ANKRD6: variants seen among roughly 807,000 people sequenced by gnomAD.
ANKRD6 encodes ankyrin repeat domain-containing protein 6.
In ANKRD6, 56 loss-of-function variants were observed where a neutral mutation model predicts 82.3. The observed-to-expected ratio is 0.68, with a 90% CI of 0.55 to 0.85. The LOEUF (loss-of-function observed/expected upper bound fraction) is 0.85, where lower values mean the gene tolerates loss of function less well. ANKRD6 is among the 40% of genes least tolerant of loss of function. ANKRD6 has a pLI of 0.00. For synonymous variants in ANKRD6, 347 were observed against 352.1 expected (o/e 0.99, Z 0.16); for missense variants, 852 against 907.6 (o/e 0.94, Z 0.79).
chr6:89,509,563 C>T (rs1475772993), intron 1 of ANKRD6, among the ~76,000 whole-genome samples: 2 of 152,186 alleles, frequency 1.3e-5, no homozygotes, highest in African/African-American at 4.8e-5. Context: ...GTATTGGATT[C>T]TGTAGAATGA....
At chr6:89,609,756 C>T (rs1563050311) in intron 5 of ANKRD6, among the ~76,000 whole-genome samples, 1 of 152,108 alleles carries the variant, frequency 6.6e-6, no homozygotes, top group Non-Finnish European at 1.5e-5. Flanking sequence ...AGACTACAGG[C>T]ACACACCACC....
intron 1 of ANKRD6, among the ~76,000 whole-genome samples, chr6:89,492,069 T>A (rs1194880506): frequency 6.6e-6 from 1 of 152,226 alleles, no homozygotes; most frequent in African/African-American, 2.4e-5. Flanking sequence ...AAAACTTACA[T>A]TGAATAAATG....
chr6:89,564,400 AG>A (rs34248116), intron 1 of ANKRD6, among the ~76,000 whole-genome samples: 1 of 152,206 alleles, frequency 6.6e-6, no homozygotes, highest in East Asian at 1.9e-4. Context: ...CCAAACAAAA[AG>A]GAAAATTAAT....
intron 4 of ANKRD6, among the ~76,000 whole-genome samples, chr6:89,604,711 C>T (rs1798088961): frequency 6.6e-6 from 1 of 152,180 alleles, no homozygotes; most frequent in Non-Finnish European, 1.5e-5. Flanking sequence ...CTTTGGCTTC[C>T]TCCTTCTGCA....
intron 1 of ANKRD6, among the ~76,000 whole-genome samples, chr6:89,505,929 A>G (rs1289123767): frequency 6.6e-6 from 1 of 152,220 alleles, no homozygotes; most frequent in African/African-American, 2.4e-5. Context: ...GTGAACCTGC[A>G]AGATGTTATA....
At chr6:89,485,980 AATTT>A (rs1448417945) in intron 1 of ANKRD6, among the ~76,000 whole-genome samples, 11 of 152,222 alleles carry the variant, frequency 7.2e-5, no homozygotes, top group Admixed American at 3.3e-4. Flanking sequence ...CTATAAAAAT[AATTT>A]ATTTAAAGAA....
chr6:89,622,480 G>T (rs534934590), intron 10 of ANKRD6, among the ~76,000 whole-genome samples: 222 of 152,352 alleles, frequency 1.5e-3, no homozygotes, highest in Non-Finnish European at 2.4e-3. Context: ...ATCTGTGTTG[G>T]AACAAGCCCT....
rs1471188578 is a variant in ANKRD6, at chr6:89,567,001, G to A, written c.25G>A (p.Ala9Thr). The change falls in exon 2 of 16, where the codon GCA becomes ACA. Residue 9 changes from alanine (A) to threonine (T), a missense_variant. Physicochemically the swap from Ala to Thr is moderately conservative, Grantham distance 58 (BLOSUM62 0). Coordinates refer to ENST00000339746, the MANE Select transcript of ANKRD6 (RefSeq NM_001242809.2). ...CATGAGCCAGCAAGATGCGGTCGCTGCACTTTCAGAGCGCCTTCTCGTAGC... is the reference window on the plus strand; with the variant it reads ...CATGAGCCAGCAAGATGCGGTCGCTACACTTTCAGAGCGCCTTCTCGTAGC... MSQQDAVA[A>T]LSERLLVAAY... is the part of the protein sequence containing the mutation. 2.5e-6 allele frequency: 4 copies of A among 1,600,992 alleles called. No homozygotes were observed. Among genetic ancestry groups the A allele is most frequent in the Non-Finnish European group, 2.6e-6 (3 of 1,173,532 alleles).
chr6:89,472,297 G>C (rs993167266), intron 1 of ANKRD6, among the ~76,000 whole-genome samples: 2 of 152,172 alleles, frequency 1.3e-5, no homozygotes, highest in African/African-American at 4.8e-5. Context: ...TAGAACTTCA[G>C]CTTATCCTTT....
At chr6:89,524,026 G>A (rs1782173205) in intron 1 of ANKRD6, among the ~76,000 whole-genome samples, 1 of 152,064 alleles carries the variant, frequency 6.6e-6, no homozygotes, top group South Asian at 2.1e-4. Context: ...TTCACCCTAG[G>A]CCAGGAGAGC....
chr6:89,491,038 T>A (rs1777954146), intron 1 of ANKRD6, among the ~76,000 whole-genome samples: 1 of 152,080 alleles, frequency 6.6e-6, no homozygotes, highest in Non-Finnish European at 1.5e-5. Context: ...CGAGTGAGAC[T>A]GAAATAATGA....
chr6:89,631,819 T>TATC lies in ANKRD6; in HGVS notation c.*817_*819dup, dbSNP rs1239287778. The TATC allele has an allele frequency of 1.3e-5, 2 of 152,258 alleles. No homozygotes were observed. Among genetic ancestry groups the TATC allele is most frequent in the African/African-American group, 2.4e-5 (1 of 41,474 alleles). The allele number at this position is 152,258 out of a possible 1,614,324, so 9.4% of individuals were successfully genotyped here. A position where few individuals can be genotyped will look rare whatever the true frequency, so the allele number is the denominator to read the frequency against. The stretch of plus-strand genomic sequence containing the variant: ...ACCTATTCCTAATCAAACCCAATTA[T>TATC]ATCAGAATACCTTTCTGAATTTGAG... On this transcript the variant is annotated 3_prime_UTR_variant, in exon 16 of 16. Transcript: ENST00000339746.
At chr6:89,568,868 A>T (rs531112278) in intron 2 of ANKRD6, among the ~76,000 whole-genome samples, 18 of 152,032 alleles carry the variant, frequency 1.2e-4, no homozygotes, top group Non-Finnish European at 1.8e-4. Flanking sequence ...GAGAAGACTA[A>T]TATAAGCACA....
At chr6:89,437,371 CA>C (rs1770782266) in intron 1 of ANKRD6, among the ~76,000 whole-genome samples, 1 of 152,132 alleles carries the variant, frequency 6.6e-6, no homozygotes, top group African/African-American at 2.4e-5. Context: ...CTGAAAACTC[CA>C]GGACCAATTC....
At chr6:89,550,051 G>A (rs1785629565) in intron 1 of ANKRD6, among the ~76,000 whole-genome samples, 1 of 152,138 alleles carries the variant, frequency 6.6e-6, no homozygotes, top group African/African-American at 2.4e-5. Flanking sequence ...AGTTCTGATT[G>A]TGTCACTGCA....
intron 1 of ANKRD6, among the ~76,000 whole-genome samples, chr6:89,473,515 A>C (rs1775715371): frequency 6.6e-6 from 1 of 152,170 alleles, no homozygotes; most frequent in Non-Finnish European, 1.5e-5. Flanking sequence ...AGATTATCTA[A>C]GTCTCACCAG....
intron 5 of ANKRD6, among the ~76,000 whole-genome samples, chr6:89,608,502 T>C (rs1282886124): frequency 6.6e-6 from 1 of 151,288 alleles, no homozygotes; most frequent in East Asian, 1.9e-4. Flanking sequence ...TATAGAAATA[T>C]ACCCCATCAA....
intron 1 of ANKRD6, among the ~76,000 whole-genome samples, chr6:89,501,886 A>G (rs1469041679): frequency 2.6e-5 from 4 of 151,752 alleles, no homozygotes; most frequent in African/African-American, 9.7e-5. Flanking sequence ...TGGTAGGAAT[A>G]ATAATATGTC....
intron 1 of ANKRD6, among the ~76,000 whole-genome samples, chr6:89,507,647 C>T (rs1001998579): frequency 1.3e-5 from 2 of 152,152 alleles, no homozygotes; most frequent in Admixed American, 1.3e-4. Flanking sequence ...TATGGTAATT[C>T]CTTGTCATTC....
Sources: allele counts gnomAD v4.1 joint callset (sites outside exome capture counted in the v4.1 genomes callset), GRCh38; gene constraint gnomAD v4.1.1; transcripts MANE v1.5; gene names NCBI Gene and HGNC (gene_info 2026-07-23, HGNC 2026-07-21).